The following DLG2 variants were observed in gnomAD, a reference collection of about 807,000 sequenced individuals.
DLG2 encodes the protein discs large MAGUK scaffold protein 2, also known as disks large homolog 2.
DLG2 carries 45 observed loss-of-function variants against 132.5 expected under a neutral mutation model. That is an observed-to-expected ratio of 0.34 (90% CI 0.27 to 0.44). The LOEUF (loss-of-function observed/expected upper bound fraction) is 0.44. Among genes scored for constraint, DLG2 ranks in the 20% least tolerant of loss-of-function variants. DLG2 has a pLI of 1.00. For missense variants in DLG2, 1,045 were observed against 1,196.9 expected (o/e 0.87, Z 1.87); for synonymous variants, 424 against 419.6 (o/e 1.01, Z -0.13).
At chr11:85,116,313 A>T (rs2073566630) in intron 5 of DLG2, among the ~76,000 whole-genome samples, 3 of 151,586 alleles carry the variant, frequency 2.0e-5, no homozygotes, top group Non-Finnish European at 2.9e-5. Context: ...GCACATCAAG[A>T]GTTAAAAATT....
rs80004183 is a variant in DLG2 at position 84,103,448 on chromosome 11, C to A, written c.625-4401G>T. On this transcript the variant is annotated intron_variant, in intron 9 of 27. Coordinates refer to ENST00000376104, the MANE Select transcript of DLG2 (RefSeq NM_001142699.3). ...ATCCTGAAAATTGTGACTAATTAACCGAGTGTTGATCCCTGATGCAGTCAA... is the reference window on the plus strand; with the variant it reads ...ATCCTGAAAATTGTGACTAATTAACAGAGTGTTGATCCCTGATGCAGTCAA... Among the ~76,000 whole-genome samples, 1,406 of 152,120 alleles carry A rather than the reference C, an allele frequency of 9.2e-3. 13 individuals are homozygous for A. The highest frequency in any genetic ancestry group is 0.016 in the Non-Finnish European group (1,089 of 68,002).
At chr11:84,979,616 T>C (rs1190936155) in intron 6 of DLG2, among the ~76,000 whole-genome samples, 1 of 143,422 alleles carries the variant, frequency 7.0e-6, no homozygotes, top group Non-Finnish European at 1.5e-5. Flanking sequence ...TGAGAACACT[T>C]GGACACAGGA....
intron 6 of DLG2, among the ~76,000 whole-genome samples, chr11:84,907,511 G>A (rs2154075289): frequency 6.6e-6 from 1 of 152,248 alleles, no homozygotes; most frequent in African/African-American, 2.4e-5. Context: ...CAAGCACCTT[G>A]AATTAAGGAG....
Position 85,617,224 on chromosome 11 carries a change from T to C in DLG2, c.-93+9363A>G, listed in dbSNP as rs572641994. On this transcript the variant is annotated intron_variant, in intron 2 of 27. Transcript: ENST00000376104. The stretch of plus-strand genomic sequence containing the variant: ...CTACTGTTCTAGGTTTTTTCCACCA[T>C]GTCACTGCTATCGATGATGATGATA... Among the ~76,000 whole-genome samples, 4 of 152,360 alleles carry C rather than the reference T, an allele frequency of 2.6e-5. No homozygotes were observed. The East Asian group carries it at 7.7e-4, about 29-fold the overall frequency.
intron 18 of DLG2, among the ~76,000 whole-genome samples, chr11:83,768,446 T>TCTC (rs1441345299): frequency 5.3e-5 from 8 of 152,208 alleles, no homozygotes; most frequent in Non-Finnish European, 7.3e-5. Context: ...TTTTCAGATG[T>TCTC]CTCTTTTCTT....
intron 6 of DLG2, among the ~76,000 whole-genome samples, chr11:85,044,888 G>A (rs1378607574): frequency 6.6e-6 from 1 of 151,950 alleles, no homozygotes; most frequent in African/African-American, 2.4e-5. Context: ...AATAGATGAA[G>A]CTTAAGTAAA....
intron 18 of DLG2, among the ~76,000 whole-genome samples, chr11:83,642,996 T>C (rs974011179): frequency 6.6e-6 from 1 of 152,190 alleles, no homozygotes; most frequent in African/African-American, 2.4e-5. Flanking sequence ...CGTGAAGCTC[T>C]CCTGAAGCTT....
chr11:84,142,744 G>C (rs944271978), intron 9 of DLG2, among the ~76,000 whole-genome samples: 3 of 152,080 alleles, frequency 2.0e-5, no homozygotes, highest in African/African-American at 4.8e-5. Context: ...CAGAGCTCCA[G>C]GTTTTCAGAC....
chr11:84,662,828 A>G (rs904598637), intron 6 of DLG2, among the ~76,000 whole-genome samples: 9 of 150,348 alleles, frequency 6.0e-5, no homozygotes, highest in African/African-American at 2.2e-4. Flanking sequence ...TCTGAGTTTG[A>G]AGGTCCTGAT....
chr11:84,512,465 G>T (rs2099259677), intron 7 of DLG2, among the ~76,000 whole-genome samples: 1 of 152,056 alleles, frequency 6.6e-6, no homozygotes, highest in Non-Finnish European at 1.5e-5. Context: ...TTACTTATTT[G>T]TATTTATTCT....
chr11:85,066,276 G>A (rs992269437), intron 6 of DLG2, among the ~76,000 whole-genome samples: 1 of 151,410 alleles, frequency 6.6e-6, no homozygotes, highest in Non-Finnish European at 1.5e-5. Flanking sequence ...AGGAGATCAA[G>A]AGCCAGTAGT....
chr11:84,808,901 T>G (rs1029852390), intron 6 of DLG2, among the ~76,000 whole-genome samples: 2 of 151,972 alleles, frequency 1.3e-5, no homozygotes, highest in Admixed American at 6.6e-5. Flanking sequence ...TAAGATCAAT[T>G]TGATACAATC....
chr11:85,036,591 A>G (rs1176117429), intron 6 of DLG2, among the ~76,000 whole-genome samples: 3 of 152,240 alleles, frequency 2.0e-5, no homozygotes, highest in African/African-American at 7.2e-5. Flanking sequence ...AGAGAAAAAC[A>G]AATGCCTATA....
intron 6 of DLG2, among the ~76,000 whole-genome samples, chr11:84,814,248 T>C (rs2153975319): frequency 1.3e-5 from 2 of 152,182 alleles, no homozygotes; most frequent in Non-Finnish European, 2.9e-5. Context: ...CCCAGCACGT[T>C]GAGCAGTGGA....
At chr11:84,025,633 C>G (rs2095517974) in intron 11 of DLG2, among the ~76,000 whole-genome samples, 1 of 151,986 alleles carries the variant, frequency 6.6e-6, no homozygotes, top group South Asian at 2.1e-4. Flanking sequence ...GAATGGAAAC[C>G]TTTTTCTCCA....
At position 84,224,834 on chromosome 11, in the gene DLG2, T is replaced by C. The variant is rs189422380; in HGVS notation, c.573+26404A>G. ...AAACACCAAACTGAAAACAGTTTACTGAATTACCTATCCTTTTTCATGTAT... is the reference window on the plus strand; with the variant it reads ...AAACACCAAACTGAAAACAGTTTACCGAATTACCTATCCTTTTTCATGTAT... On this transcript the variant is annotated intron_variant, in intron 8 of 27. Coordinates refer to ENST00000376104, the MANE Select transcript of DLG2 (RefSeq NM_001142699.3). 2.6e-3 allele frequency among the ~76,000 whole-genome samples: 389 copies of C among 152,340 alleles called. 2 individuals carry two copies. Among genetic ancestry groups the C allele is most frequent in the African/African-American group, 8.8e-3 (367 of 41,580 alleles).
chr11:84,534,925 C>T, intron 6 of DLG2, 194 bp from the exon 7 acceptor site: 1 of 715,088 alleles, frequency 1.4e-6, no homozygotes, highest in Non-Finnish European at 2.5e-6. Flanking sequence ...CTGAGTTAAC[C>T]ACGAATATTG....
chr11:84,696,978 A>T (rs2058683244), intron 6 of DLG2, among the ~76,000 whole-genome samples: 1 of 151,394 alleles, frequency 6.6e-6, no homozygotes. Context: ...TATTAAAGAG[A>T]TTGACTCAGG....
intron 6 of DLG2, among the ~76,000 whole-genome samples, chr11:84,937,336 A>T (rs1023111622): frequency 6.6e-6 from 1 of 151,948 alleles, no homozygotes; most frequent in Admixed American, 6.6e-5. Flanking sequence ...TAATAGATGA[A>T]GAAACTGAGG....
Sources: gnomAD v4.1 joint callset for allele counts (sites outside exome capture counted in the v4.1 genomes callset) on GRCh38, gnomAD v4.1.1 for gene constraint, MANE v1.5 for transcripts, NCBI Gene and HGNC (gene_info 2026-07-23, HGNC 2026-07-21) for gene names.